ACP6: variants seen among roughly 807,000 people sequenced by gnomAD.
ACP6 encodes acid phosphatase 6, lysophosphatidic.
A neutral mutation model predicts 48.1 loss-of-function variants in ACP6; 48 were observed. That is an observed-to-expected ratio of 1.00 (90% CI 0.79 to 1.27). The LOEUF (loss-of-function observed/expected upper bound fraction) is 1.27, where lower values mean the gene tolerates loss of function less well. Ranked by LOEUF, ACP6 falls within the 50% of genes most tolerant of loss-of-function variation. ACP6 has a pLI of 0.00. For missense variants in ACP6, 485 were observed against 529.1 expected (o/e 0.92, Z 0.82); for synonymous variants, 172 against 204.2 (o/e 0.84, Z 1.34).
At chr1:147,648,045 C>T (rs1330439835) in intron 9 of ACP6, 1 of 614,478 alleles carries the variant, frequency 1.6e-6, no homozygotes, top group East Asian at 2.8e-5. Context: ...GGATAAGGCT[C>T]AAGCCCCATC....
intron 7 of ACP6, chr1:147,650,850 C>T (rs1350964661): frequency 6.6e-6 from 1 of 152,248 alleles, no homozygotes; most frequent in Admixed American, 6.5e-5. Context: ...AGCATGTTCA[C>T]TCACAGTAGT....
chr1:147,668,956 C>T (rs587639179), intron 1 of ACP6, among the ~76,000 whole-genome samples: 2 of 152,290 alleles, frequency 1.3e-5, no homozygotes, highest in Non-Finnish European at 2.9e-5. Context: ...TCGACCTCCT[C>T]CAACATCAAC....
chr1:147,638,089 C>T (rs1285798124), downstream of ACP6, among the ~76,000 whole-genome samples: 3 of 152,300 alleles, frequency 2.0e-5, no homozygotes, highest in East Asian at 5.8e-4. Context: ...TACTACATGC[C>T]AGGTTATGAT....
Position 147,659,694 on chromosome 1 carries a change from T to C in ACP6, c.301A>G (p.Lys101Glu). ...TGAGAGTCGTAAGGAGAATATGGTT[T>C]CGGACCACCAGCTAGATTGGTGACT... ...YTVTNLAGGP[K>E]PYSPYDSQYH... is the part of the protein sequence containing the mutation. The change falls in exon 2 of 10, where the codon AAA becomes GAA. Residue 101 changes from lysine (K) to glutamate (E), a missense_variant. Lys to Glu is a moderately conservative substitution (Grantham distance 56). Transcript: ENST00000583509. The C allele has an allele frequency of 1.2e-6, 2 of 1,614,214 alleles. No homozygotes were observed. The highest frequency in any genetic ancestry group is 1.7e-6 in the Non-Finnish European group (2 of 1,180,034).
intron 5 of ACP6, among the ~76,000 whole-genome samples, chr1:147,636,295 C>A (rs1659298980): frequency 6.6e-6 from 1 of 152,016 alleles, no homozygotes; most frequent in Admixed American, 6.5e-5. Context: ...AGAAGTACTA[C>A]TAATTTAAGA....
At chr1:147,660,382 C>T (rs1660488041) in intron 1 of ACP6, among the ~76,000 whole-genome samples, 1 of 152,194 alleles carries the variant, frequency 6.6e-6, no homozygotes, top group Middle Eastern at 3.2e-3. Context: ...GGTCTCATAG[C>T]TCCAACTGTT....
chr1:147,653,443 T>TAAAA (rs879991731), intron 6 of ACP6, among the ~76,000 whole-genome samples: 1 of 149,476 alleles, frequency 6.7e-6, no homozygotes, highest in Non-Finnish European at 1.5e-5. Flanking sequence ...TTTTTTAACT[T>TAAAA]AAAAAAAAAA....
intron 9 of ACP6, 76 bp downstream of exon 9, chr1:147,648,170 C>A: frequency 1.3e-6 from 2 of 1,548,682 alleles, no homozygotes; most frequent in African/African-American, 1.4e-5. Flanking sequence ...AGGAGGGAGA[C>A]TTGGTGCTAA....
chr1:147,655,121 G>A (rs782535969), intron 5 of ACP6, 40 bp downstream of exon 5: 6 of 1,511,916 alleles, frequency 4.0e-6, no homozygotes, highest in Non-Finnish European at 4.5e-6. Flanking sequence ...GTTGTAAAAG[G>A]TTGTCCCCAA....
chr1:147,653,586 A>C (rs1553211064), intron 6 of ACP6, among the ~76,000 whole-genome samples: 1 of 152,214 alleles, frequency 6.6e-6, no homozygotes, highest in Non-Finnish European at 1.5e-5. Flanking sequence ...CCTATTTTAC[A>C]CATAAAAGCA....
At chr1:147,665,168 C>T (rs912885549) in intron 1 of ACP6, among the ~76,000 whole-genome samples, 3 of 152,164 alleles carry the variant, frequency 2.0e-5, no homozygotes, top group East Asian at 1.9e-4. Context: ...CAGCCCCAGC[C>T]GCTCAACATC....
chr1:147,653,291 C>T (rs587752550), intron 6 of ACP6, among the ~76,000 whole-genome samples: 84 of 151,968 alleles, frequency 5.5e-4, no homozygotes, highest in African/African-American at 1.5e-3. Context: ...CCACCACACC[C>T]GGCTAAATTT....
exon 6 of ACP6, chr1:147,631,047 T>C (rs1001007888): frequency 3.9e-5 from 6 of 152,234 alleles, no homozygotes; most frequent in Admixed American, 6.5e-5. Flanking sequence ...ATTCCTGTTA[T>C]GCTTGCTACC....
Position 147,652,468 on chromosome 1 carries a change from T to C in ACP6, c.862A>G (p.Ile288Val), listed in dbSNP as rs1369698911. Reference sequence around the variant, plus strand: ...CCTCACCTGTCTTCCTTGGGCAGTATGTACAAGGATGTGTCCACAGCTCTC... The same window carrying C: ...CCTCACCTGTCTTCCTTGGGCAGTACGTACAAGGATGTGTCCACAGCTCTC... ...EQRAVDTSLY[I>V]LPKEDRESLQ... Residue 288 changes from isoleucine to valine, a missense_variant, in exon 7 of 10, where the codon ATA becomes GTA. By Grantham distance (29) the Ile-to-Val change is conservative. Transcript: ENST00000583509. 10 of 1,613,496 alleles carry C rather than the reference T, an allele frequency of 6.2e-6. No homozygotes were observed. The highest frequency in any genetic ancestry group is 7.6e-6 in the Non-Finnish European group (9 of 1,179,850).
downstream of ACP6, among the ~76,000 whole-genome samples, chr1:147,640,003 A>G (rs12045709): frequency 0.12 from 18,500 of 152,104 alleles, 1,324 homozygotes; most frequent in East Asian, 0.33. Context: ...AACACAGAGC[A>G]ACTCAAACTT....
chr1:147,665,984 T>C (rs1476106437), intron 1 of ACP6, among the ~76,000 whole-genome samples: 1 of 152,108 alleles, frequency 6.6e-6, no homozygotes, highest in Non-Finnish European at 1.5e-5. Context: ...ATAGCAAAAA[T>C]TAAAATATAG....
chr1:147,652,398 C>A (rs782369925), intron 7 of ACP6, 51 bp downstream of exon 7: 3 of 1,557,554 alleles, frequency 1.9e-6, no homozygotes, highest in Non-Finnish European at 2.6e-6. Context: ...TCCCCATACA[C>A]TTGGATGTCT....
chr1:147,665,930 A>G (rs1351216939), intron 1 of ACP6, among the ~76,000 whole-genome samples: 1 of 152,198 alleles, frequency 6.6e-6, no homozygotes, highest in African/African-American at 2.4e-5. Context: ...TGATAATTTT[A>G]CTTATTTTGT....
chr1:147,637,735 A>T (rs587595499), downstream of ACP6, among the ~76,000 whole-genome samples: 8 of 152,364 alleles, frequency 5.3e-5, no homozygotes, highest in African/African-American at 1.7e-4. Flanking sequence ...CCCCAAGATC[A>T]GAACTCTGCA....
Sources: gnomAD v4.1 joint callset for allele counts (sites outside exome capture counted in the v4.1 genomes callset) on GRCh38, gnomAD v4.1.1 for gene constraint, MANE v1.5 for transcripts, NCBI Gene and HGNC (gene_info 2026-07-23, HGNC 2026-07-21) for gene names.